The following ZCCHC7 variants were observed in gnomAD, a reference collection of about 807,000 sequenced individuals.
ZCCHC7 encodes zinc finger CCHC-type containing 7.
ZCCHC7 carries 35 observed loss-of-function variants against 52.0 expected under a neutral mutation model. That is an observed-to-expected ratio of 0.67 (90% CI 0.51 to 0.89). The LOEUF (loss-of-function observed/expected upper bound fraction) is 0.89, where lower values mean the gene tolerates loss of function less well. Ranked by LOEUF, ZCCHC7 falls within the 40% of genes least tolerant of loss-of-function variation. The pLI, the probability that ZCCHC7 is intolerant of heterozygous loss-of-function variation, is 0.00. For missense variants in ZCCHC7, 574 were observed against 649.1 expected (o/e 0.88, Z 1.26); for synonymous variants, 217 against 221.5 (o/e 0.98, Z 0.18).
At chr9:37,159,346 A>G (rs966268233) in intron 2 of ZCCHC7, among the ~76,000 whole-genome samples, 1 of 152,258 alleles carries the variant, frequency 6.6e-6, no homozygotes, top group Admixed American at 6.5e-5. Context: ...ATATTAAAAT[A>G]TAAATGTTAT....
chr9:37,164,879 G>C (rs1251852617), intron 2 of ZCCHC7, among the ~76,000 whole-genome samples: 1 of 152,198 alleles, frequency 6.6e-6, no homozygotes, highest in African/African-American at 2.4e-5. Context: ...TTTCTGTATA[G>C]ATTTTAAGTG....
intron 2 of ZCCHC7, among the ~76,000 whole-genome samples, chr9:37,136,235 T>C (rs1431952887): frequency 6.6e-6 from 1 of 152,178 alleles, no homozygotes; most frequent in Non-Finnish European, 1.5e-5. Context: ...TAACTTAATT[T>C]CTTTATTGGT....
At chr9:37,290,262 A>T (rs1417954869) in intron 2 of ZCCHC7, among the ~76,000 whole-genome samples, 1 of 152,210 alleles carries the variant, frequency 6.6e-6, no homozygotes, top group Non-Finnish European at 1.5e-5. Flanking sequence ...AATATTGGGA[A>T]TAATTGTAAT....
intron 6 of ZCCHC7, among the ~76,000 whole-genome samples, chr9:37,334,735 C>T (rs902201794): frequency 1.3e-5 from 2 of 151,792 alleles, no homozygotes; most frequent in African/African-American, 4.8e-5. Context: ...AATGATCCTC[C>T]AAGACCAACA....
At chr9:37,337,787 C>T (rs1373561737) in intron 6 of ZCCHC7, among the ~76,000 whole-genome samples, 1 of 152,174 alleles carries the variant, frequency 6.6e-6, no homozygotes, top group Non-Finnish European at 1.5e-5. Context: ...CTTAATGTTG[C>T]ACATTACTTC....
chr9:37,172,295 T>A (rs1055340814), intron 2 of ZCCHC7, among the ~76,000 whole-genome samples: 1 of 152,216 alleles, frequency 6.6e-6, no homozygotes, highest in African/African-American at 2.4e-5. Context: ...AATTATCATT[T>A]GTACTGTTTT....
At chr9:37,201,048 G>A (rs1823605142) in intron 2 of ZCCHC7, among the ~76,000 whole-genome samples, 2 of 152,104 alleles carry the variant, frequency 1.3e-5, no homozygotes, top group African/African-American at 4.8e-5. Flanking sequence ...GGGAGACAAG[G>A]GTATCATTGC....
At chr9:37,171,488 G>T (rs765860718) in intron 2 of ZCCHC7, among the ~76,000 whole-genome samples, 2 of 152,102 alleles carry the variant, frequency 1.3e-5, no homozygotes, top group Non-Finnish European at 2.9e-5. Context: ...GCGATCATAA[G>T]CTCACTGCAG....
intron 2 of ZCCHC7, among the ~76,000 whole-genome samples, chr9:37,160,799 T>C (rs773615784): frequency 4.6e-5 from 7 of 151,816 alleles, no homozygotes; most frequent in Non-Finnish European, 7.4e-5. Flanking sequence ...GGAAGGAGAA[T>C]TGCTTGAACC....
At chr9:37,230,378 T>A (rs539966918) in intron 2 of ZCCHC7, among the ~76,000 whole-genome samples, 1 of 152,148 alleles carries the variant, frequency 6.6e-6, no homozygotes, top group Non-Finnish European at 1.5e-5. Flanking sequence ...CACTAGGTGA[T>A]AGGAATTTTA....
rs117353895 is a variant in ZCCHC7, at chr9:37,161,790, G to A, written c.610+34848G>A. ...AACTCCTTTAGTTGGAAGATCACGC[G>A]TAAATGCCCATCAAGAGCTAGCAGT... On this transcript the variant is annotated intron_variant, in intron 2 of 8. Transcript: ENST00000336755. Among the ~76,000 whole-genome samples the A allele has an allele frequency of 2.0e-4, 30 of 152,286 alleles. No homozygotes were observed. In the East Asian group the frequency reaches 4.8e-3, roughly 24 times the overall value.
chr9:37,209,992 C>G (rs1196890662), intron 2 of ZCCHC7, among the ~76,000 whole-genome samples: 1 of 151,758 alleles, frequency 6.6e-6, no homozygotes, highest in African/African-American at 2.4e-5. Flanking sequence ...CTTTCTTTTT[C>G]TGTTTCTTCT....
chr9:37,288,353 T>TG (rs1014913287), intron 2 of ZCCHC7, among the ~76,000 whole-genome samples: 4 of 150,312 alleles, frequency 2.7e-5, no homozygotes, highest in African/African-American at 7.3e-5. Context: ...GATAGATTTT[T>TG]TTTTTTTTCT....
chr9:37,310,979 A>C (rs928720383), intron 5 of ZCCHC7, among the ~76,000 whole-genome samples: 10 of 150,986 alleles, frequency 6.6e-5, no homozygotes, highest in Non-Finnish European at 1.0e-4. Context: ...AAAAAAAAAA[A>C]ATCAATATAT....
At chr9:37,323,380 A>G (rs1830123951) in intron 5 of ZCCHC7, among the ~76,000 whole-genome samples, 1 of 152,210 alleles carries the variant, frequency 6.6e-6, no homozygotes, top group African/African-American at 2.4e-5. Flanking sequence ...CCAGAAATTA[A>G]GCTTGTCAGT....
At chr9:37,327,537 G>A (rs1444357227) in intron 5 of ZCCHC7, 2 of 399,476 alleles carry the variant, frequency 5.0e-6, no homozygotes, top group Non-Finnish European at 9.0e-6. Context: ...TCACATCTTA[G>A]TGCCCAAAAC....
chr9:37,319,174 T>TTCATCCTTATTTC (rs1554730015), intron 5 of ZCCHC7, among the ~76,000 whole-genome samples: 1 of 151,892 alleles, frequency 6.6e-6, no homozygotes, highest in Admixed American at 6.6e-5. Context: ...ATCATCCTTA[T>TTCATCCTTATTTC]TTCTTTGGTG....
intron 6 of ZCCHC7, among the ~76,000 whole-genome samples, chr9:37,345,497 G>A (rs1397018751): frequency 6.6e-6 from 1 of 152,186 alleles, no homozygotes; most frequent in African/African-American, 2.4e-5. Context: ...GGAGGCTGAG[G>A]CAGGCGGATC....
intron 8 of ZCCHC7, among the ~76,000 whole-genome samples, chr9:37,356,230 C>T (rs1821692274): frequency 6.6e-6 from 1 of 152,214 alleles, no homozygotes; most frequent in African/African-American, 2.4e-5. Context: ...ATCAGAATCA[C>T]TATCAGAGAT....
Sources: allele counts gnomAD v4.1 joint callset (sites outside exome capture counted in the v4.1 genomes callset), GRCh38; gene constraint gnomAD v4.1.1; transcripts MANE v1.5; gene names NCBI Gene and HGNC (gene_info 2026-07-23, HGNC 2026-07-21).